FAM3B: variants seen among roughly 807,000 people sequenced by gnomAD.
FAM3B encodes the protein FAM3 metabolism regulating signaling molecule B.
In FAM3B, 29 loss-of-function variants were observed where a neutral mutation model predicts 28.4. The observed-to-expected ratio is 1.02, with a 90% confidence interval of 0.76 to 1.39. The LOEUF (loss-of-function observed/expected upper bound fraction) is 1.39. Ranked by LOEUF, FAM3B falls within the 40% of genes most tolerant of loss-of-function variation. The probability of loss-of-function intolerance (pLI) is 0.00; values close to 1 mark genes in which losing one functional copy is unlikely to be tolerated. For synonymous variants in FAM3B, 91 were observed against 103.0 expected (o/e 0.88, Z 0.71); for missense variants, 266 against 293.9 (o/e 0.91, Z 0.69).
chr21:41,332,934 A>G (rs756822078), intron 2 of FAM3B, among the ~76,000 whole-genome samples: 22 of 151,170 alleles, frequency 1.5e-4, no homozygotes, highest in Non-Finnish European at 2.5e-4. Flanking sequence ...CATTTCATAT[A>G]CTTCTATTAT....
At position 41,307,035 on chromosome 21, in the gene FAM3B, T is replaced by A. The variant is rs77452308; in HGVS notation, n.99+2725T>A. ...CTGAAGCTTCGAACCAGTCATGGAC[T>A]TTTCCTCTCTAACTCTGAAAGTCCC... On this transcript the variant is annotated intron_variant and non_coding_transcript_variant, in intron 1 of 9. Transcript: ENST00000479810. 1.6e-3 allele frequency among the ~76,000 whole-genome samples: 238 copies of A among 152,352 alleles called. 3 individuals are homozygous for A. In the East Asian group the frequency reaches 0.021, roughly 13 times the overall value.
chr21:41,353,262 C>T (rs965111914), intron 7 of FAM3B, among the ~76,000 whole-genome samples: 3 of 152,112 alleles, frequency 2.0e-5, no homozygotes, highest in Non-Finnish European at 2.9e-5. Context: ...AACACAATTC[C>T]TACTAGAATC....
At chr21:41,308,535 CTTTTTTTT>C (rs562737882) in intron 1 of FAM3B, among the ~76,000 whole-genome samples, 1 of 119,554 alleles carries the variant, frequency 8.4e-6, no homozygotes, top group Non-Finnish European at 1.7e-5. Context: ...TTTTTCTTTT[CTTTTTTTT>C]TTTTTTTTTT....
At chr21:41,329,353 C>T (rs895877054) in intron 2 of FAM3B, among the ~76,000 whole-genome samples, 1 of 152,182 alleles carries the variant, frequency 6.6e-6, no homozygotes, top group African/African-American at 2.4e-5. Flanking sequence ...CCTCATCCCA[C>T]GGGGGACGTG....
intron 7 of FAM3B, among the ~76,000 whole-genome samples, chr21:41,355,211 G>A (rs1195201555): frequency 6.6e-6 from 1 of 152,188 alleles, no homozygotes; most frequent in East Asian, 1.9e-4. Flanking sequence ...GAACCCTCAT[G>A]CACTAGTGGA....
chr21:41,313,739 C>T (rs1405002446), upstream of FAM3B, among the ~76,000 whole-genome samples: 1 of 151,828 alleles, frequency 6.6e-6, no homozygotes, highest in Non-Finnish European at 1.5e-5. Flanking sequence ...CCTCATCATA[C>T]AGTATGTATG....
chr21:41,352,820 T>TAAATAAATAAATAAACAAAC lies in FAM3B; in HGVS notation c.618+4103_618+4104insTAAATAAACAAACAAATAAA, dbSNP rs61423023. ...AAAAATAAATAAATAAATAAATAAA[T>TAAATAAATAAATAAACAAAC]AAATAAAGGAAGAAGTAAAACTATT... On this transcript the variant is annotated intron_variant, in intron 7 of 7. Transcript: ENST00000357985. 1.9e-3 allele frequency among the ~76,000 whole-genome samples: 292 copies of TAAATAAATAAATAAACAAAC among 150,102 alleles called. 1 individual carries two copies. Among genetic ancestry groups the TAAATAAATAAATAAACAAAC allele is most frequent in the African/African-American group, 7.1e-3 (285 of 40,386 alleles).
At chr21:41,321,865 G>T (rs984335542) in intron 1 of FAM3B, among the ~76,000 whole-genome samples, 1 of 152,176 alleles carries the variant, frequency 6.6e-6, no homozygotes, top group Admixed American at 6.6e-5. Context: ...GGGGCCCATT[G>T]TCAGGCCCTT....
At chr21:41,327,434 T>C (rs1430086332) in intron 2 of FAM3B, among the ~76,000 whole-genome samples, 1 of 152,220 alleles carries the variant, frequency 6.6e-6, no homozygotes, top group African/African-American at 2.4e-5. Context: ...CAAAGGTTAG[T>C]AGAGGTTGGA....
At chr21:41,345,304 C>G (rs968543936) in intron 4 of FAM3B, among the ~76,000 whole-genome samples, 1 of 144,752 alleles carries the variant, frequency 6.9e-6, no homozygotes, top group African/African-American at 2.6e-5. Context: ...TGAGGGGGCT[C>G]TGGTGTTTCT....
chr21:41,329,588 G>A (rs1013822423), intron 2 of FAM3B, among the ~76,000 whole-genome samples: 5 of 126,536 alleles, frequency 4.0e-5, no homozygotes, highest in Non-Finnish European at 5.1e-5. Context: ...TTTTTTTTTT[G>A]AGATGAAGTC....
At chr21:41,319,039 C>T (rs544504868) in intron 1 of FAM3B, among the ~76,000 whole-genome samples, 29 of 152,288 alleles carry the variant, frequency 1.9e-4, no homozygotes, top group African/African-American at 7.0e-4. Flanking sequence ...AGTGCAGGCA[C>T]ATGCCACCAT....
rs1030021377 is a variant in FAM3B, at chr21:41,357,157, A to C, written c.668A>C (p.Glu223Ala). The C allele has an allele frequency of 3.1e-6, 5 of 1,613,752 alleles. No individual in the cohort carries two copies. The highest frequency in any genetic ancestry group is 3.4e-6 in the Non-Finnish European group (4 of 1,179,820). Reference protein sequence around the residue: ...KNNRYSGWPAEIQIEGCIPKE... With the variant: ...KNNRYSGWPAAIQIEGCIPKE... ...AACAGATATTCTGGCTGGCCTGCAG[A>C]GATCCAGATAGAAGGCTGCATACCC... The change falls in exon 8 of 8, where the codon GAG (glutamate) becomes GCG (alanine). Residue 223 changes from glutamate (E) to alanine (A), a missense_variant. Coordinates refer to ENST00000357985, the MANE Select transcript of FAM3B (RefSeq NM_058186.4).
intron 7 of FAM3B, among the ~76,000 whole-genome samples, chr21:41,352,778 T>A (rs2145834669): frequency 7.1e-6 from 1 of 140,654 alleles, no homozygotes; most frequent in East Asian, 2.0e-4. Context: ...TGGGCAACAT[T>A]AGCGAAACTC....
chr21:41,342,793 T>C (rs1409025790), intron 3 of FAM3B, among the ~76,000 whole-genome samples: 1 of 152,228 alleles, frequency 6.6e-6, no homozygotes, highest in Admixed American at 6.5e-5. Context: ...GCATTTAGAG[T>C]GCCTGTGAGT....
Position 41,343,354 on chromosome 21 carries a change from C to T in FAM3B, c.288-1122C>T, listed in dbSNP as rs138517476. ...CTTAACTACCTTATTTGGTCTCTAACGTATACAACCAGATCTTTAACAACA... is the reference window on the plus strand; with the variant it reads ...CTTAACTACCTTATTTGGTCTCTAATGTATACAACCAGATCTTTAACAACA... On this transcript the variant is annotated intron_variant, in intron 3 of 7. Coordinates refer to ENST00000357985, the MANE Select transcript of FAM3B (RefSeq NM_058186.4). Among the ~76,000 whole-genome samples, 7 of 152,294 alleles carry T rather than the reference C, an allele frequency of 4.6e-5. No individual in the cohort carries two copies. The East Asian group carries it at 5.8e-4, about 13-fold the overall frequency.
chr21:41,350,628 G>A (rs1223498494), intron 7 of FAM3B, among the ~76,000 whole-genome samples: 1 of 152,214 alleles, frequency 6.6e-6, no homozygotes, highest in Non-Finnish European at 1.5e-5. Context: ...AACCAGTGAT[G>A]TCCAGGCTGT....
At chr21:41,340,030 G>C (rs569345682) in intron 3 of FAM3B, among the ~76,000 whole-genome samples, 111 of 152,240 alleles carry the variant, frequency 7.3e-4, no homozygotes, top group Non-Finnish European at 9.6e-4. Flanking sequence ...AGGTCTGCTG[G>C]TATCAGTCTT....
chr21:41,317,408 A>G (rs1420331366), intron 1 of FAM3B, among the ~76,000 whole-genome samples: 3 of 152,142 alleles, frequency 2.0e-5, no homozygotes, highest in Non-Finnish European at 4.4e-5. Context: ...GACACTGTGG[A>G]CGATTTGGAA....
Sources: allele counts gnomAD v4.1 joint callset (sites outside exome capture counted in the v4.1 genomes callset), GRCh38; gene constraint gnomAD v4.1.1; transcripts MANE v1.5; gene names NCBI Gene and HGNC (gene_info 2026-07-23, HGNC 2026-07-21).